VPS13C: variants seen among roughly 807,000 people sequenced by gnomAD.
The protein encoded by VPS13C is intermembrane lipid transfer protein VPS13C.
In VPS13C, 358 loss-of-function variants were observed where a neutral mutation model predicts 456.8. The ratio of observed to expected loss-of-function variants is 0.78; its 90% CI spans 0.72 to 0.86. The LOEUF is 0.86. Ranked by LOEUF, VPS13C falls within the 40% of genes least tolerant of loss-of-function variation. The probability of loss-of-function intolerance (pLI) is 0.00; values close to 1 mark genes in which losing one functional copy is unlikely to be tolerated. For missense variants in VPS13C, 4,818 were observed against 4,385.4 expected (o/e 1.10, Z -2.79); for synonymous variants, 1,578 against 1,486.7 (o/e 1.06, Z -1.41).
intron 61 of VPS13C, among the ~76,000 whole-genome samples, chr15:61,913,732 A>C (rs2043373478): frequency 6.6e-6 from 1 of 152,216 alleles, no homozygotes; most frequent in African/African-American, 2.4e-5. Context: ...GATGTTTTCC[A>C]GTGATAGACT....
chr15:61,909,102 T>C lies in VPS13C; in HGVS notation c.8868A>G (p.Val2956=). 1 of 1,613,462 alleles carries C rather than the reference T, an allele frequency of 6.2e-7. No individual in the cohort carries two copies. The highest frequency in any genetic ancestry group is 1.1e-5 in the South Asian group (1 of 91,040). Residue 2956 remains valine, a synonymous_variant, in exon 65 of 85, where the codon GTA becomes GTG. Transcript: ENST00000644861. ...EDLNGGILVD[V]NTAEHSTVIT... ...TGACAGTTGAATGTTCGGCAGTGTT[T>C]ACATCCACCAAGATACCCCCATTCT...
At chr15:61,900,479 A>G (rs2042963461) in intron 66 of VPS13C, among the ~76,000 whole-genome samples, 2 of 152,226 alleles carry the variant, frequency 1.3e-5, no homozygotes, top group Non-Finnish European at 1.5e-5. Flanking sequence ...ACAGACAGAG[A>G]GCCAAATCAT....
intron 83 of VPS13C, 23 bp downstream of exon 83, chr15:61,856,262 TA>T: frequency 6.2e-7 from 1 of 1,612,166 alleles, no homozygotes; most frequent in Non-Finnish European, 8.5e-7. Context: ...CTCTTAGCTC[TA>T]AAGGTGTGAC....
chr15:62,058,859 A>G (rs2048891888), intron 1 of VPS13C, among the ~76,000 whole-genome samples: 1 of 151,738 alleles, frequency 6.6e-6, no homozygotes, highest in African/African-American at 2.4e-5. Context: ...GGAGGCTGCA[A>G]TGAGCTACGA....
intron 17 of VPS13C, 139 bp from the exon 18 acceptor site, chr15:61,991,233 T>C: frequency 3.1e-6 from 2 of 642,420 alleles, no homozygotes; most frequent in East Asian, 2.8e-5. Flanking sequence ...TATCCTCTAA[T>C]ATACTACAAC....
chr15:61,907,499 G>C (rs1210092596), intron 65 of VPS13C, 109 bp from the exon 66 acceptor site: 7 of 1,386,828 alleles, frequency 5.0e-6, no homozygotes, highest in Non-Finnish European at 6.7e-6. Context: ...AAATTGCTGT[G>C]GTTAATAAAA....
At chr15:61,934,374 T>A in intron 48 of VPS13C, 43 bp from the exon 49 acceptor site, 1 of 1,090,910 alleles carries the variant, frequency 9.2e-7, no homozygotes. Context: ...GTACGTAATT[T>A]TATAAATATT....
At chr15:61,869,713 GT>G in intron 79 of VPS13C, 90 bp from the exon 80 acceptor site, 1 of 1,549,860 alleles carries the variant, frequency 6.5e-7, no homozygotes, top group South Asian at 1.3e-5. Context: ...ATACTGAACT[GT>G]TTTACCCAGG....
intron 38 of VPS13C, among the ~76,000 whole-genome samples, chr15:61,953,348 C>T (rs1163437104): frequency 6.6e-6 from 1 of 151,036 alleles, no homozygotes; most frequent in African/African-American, 2.4e-5. Context: ...ATTAACTCAT[C>T]ATTTAGCATT....
At chr15:61,958,908 A>G (rs941047205) in intron 36 of VPS13C, among the ~76,000 whole-genome samples, 192 bp from the exon 37 acceptor site, 1 of 152,008 alleles carries the variant, frequency 6.6e-6, no homozygotes, top group Non-Finnish European at 1.5e-5. Context: ...TTCAAAGATA[A>G]TAAGATGTTT....
chr15:61,917,609 C>T lies in VPS13C; in HGVS notation c.7787G>A (p.Gly2596Glu), dbSNP rs774383085. The T allele has an allele frequency of 3.7e-6, 6 of 1,611,728 alleles. No homozygotes were observed. In the African/African-American group the frequency reaches 4.0e-5, roughly 11 times the overall value. The part of the protein sequence containing the change: ...YRCQLFIQPA[G>E]ILEHQYKEST... ...TTCTTTGTACTGATGCTCTAAGATT[C>T]CAGCTGGCTGGATAAACAATTGACA... The change falls in exon 60 of 85, where the codon GGA (glycine) becomes GAA (glutamate). Residue 2596 changes from glycine (G) to glutamate (E), a missense_variant. By Grantham distance (98) the Gly-to-Glu change is moderately conservative. Around this residue, in one of 3 missense-constraint regions of VPS13C, gnomAD observed 4,552 missense variants for 4,130.6 expected, o/e 1.10. Transcript: ENST00000644861.
chr15:61,952,153 T>C (rs1596374781), intron 38 of VPS13C, among the ~76,000 whole-genome samples, 173 bp from the exon 39 acceptor site: 1 of 152,210 alleles, frequency 6.6e-6, no homozygotes. Context: ...CCTAGTCTGA[T>C]GGACAGCCTT....
At chr15:61,906,553 T>C (rs1292512033) in intron 66 of VPS13C, 1 of 152,516 alleles carries the variant, frequency 6.6e-6, no homozygotes, top group Non-Finnish European at 1.5e-5. Context: ...CAGTAACTAC[T>C]GGCCAATTAC....
intron 25 of VPS13C, 46 bp downstream of exon 25, chr15:61,974,242 C>G: frequency 6.4e-7 from 1 of 1,557,416 alleles, no homozygotes; most frequent in South Asian, 1.2e-5. Context: ...CATCACTGCT[C>G]TAAAACAATA....
chr15:61,915,636 AT>A lies in VPS13C; in HGVS notation c.8441del (p.Asn2814IlefsTer5), dbSNP rs1566997584. 1 of 1,585,460 alleles carries A rather than the reference AT, an allele frequency of 6.3e-7. No individual in the cohort carries two copies. The highest frequency in any genetic ancestry group is 1.4e-5 in the African/African-American group (1 of 73,544). On this transcript the variant is annotated frameshift_variant, in exon 61 of 85. Transcript: ENST00000644861. LOFTEE classifies it high-confidence loss of function. Reference sequence around the variant, plus strand: ...TATTATGTGAACAAAACCACACCTTATTTTTAGTAAAAATGTTCTTCTTCTT... The same window carrying A: ...TATTATGTGAACAAAACCACACCTTATTTTAGTAAAAATGTTCTTCTTCTT... ...SFKKKNIFTK[N>X]KVQLKISTSA...
intron 22 of VPS13C, among the ~76,000 whole-genome samples, chr15:61,979,712 C>T (rs181449090): frequency 1.3e-5 from 2 of 152,198 alleles, no homozygotes; most frequent in African/African-American, 2.4e-5. Flanking sequence ...GACATTTCAA[C>T]TGATTCAGCT....
rs1219719877 is a variant in VPS13C at position 62,023,412 on chromosome 15, T to C, written c.623A>G (p.Asp208Gly). ...ITDIHIKYEDDVTDPKRPLSF... is the reference protein window; with the variant it reads ...ITDIHIKYEDGVTDPKRPLSF... The stretch of plus-strand genomic sequence containing the variant: ...ACTGAGTAAATAAAAATTACTTACA[T>C]CATCTTCATATTTAATGTGAATATC... Residue 208 changes from aspartate to glycine, a missense_variant and splice_region_variant, in exon 8 of 85, where the codon GAT (aspartate) becomes GGT (glycine). Transcript: ENST00000644861. 2.0e-6 allele frequency: 3 copies of C among 1,470,734 alleles called. No homozygotes were observed. The highest frequency in any genetic ancestry group is 2.7e-6 in the Non-Finnish European group (3 of 1,093,112). The allele number at this position is 1,470,734 out of a possible 1,614,324, so 91.1% of individuals were successfully genotyped here.
In VPS13C at chr15:62,021,441, A is replaced by C. The variant is rs180712543; in HGVS notation, c.625-903T>G. Among the ~76,000 whole-genome samples, 6 of 152,038 alleles carry C rather than the reference A, an allele frequency of 3.9e-5. No individual in the cohort carries two copies. In the East Asian group the frequency reaches 1.2e-3, roughly 29 times the overall value. ...TCTATATCCAAAATCTGTCAACATT[A>C]AGTTTTTGTTGTATTTCTGATCTTC... is the stretch of plus-strand genomic sequence containing the variant. On this transcript the variant is annotated intron_variant, in intron 8 of 84. Transcript: ENST00000644861.
chr15:61,895,546 T>A (rs886498183), intron 66 of VPS13C, among the ~76,000 whole-genome samples: 1 of 152,070 alleles, frequency 6.6e-6, no homozygotes, highest in Non-Finnish European at 1.5e-5. Context: ...TACAAAAGGA[T>A]CATTAGAGAC....
Sources: allele counts gnomAD v4.1 joint callset (sites outside exome capture counted in the v4.1 genomes callset), GRCh38; gene constraint gnomAD v4.1.1; regional missense constraint gnomAD v4.1.1; transcripts MANE v1.5; gene names NCBI Gene and HGNC (gene_info 2026-07-23, HGNC 2026-07-21).